ARFIP1: variants seen among roughly 807,000 people sequenced by gnomAD.
The protein encoded by ARFIP1 is ARF interacting protein 1, also known as arfaptin-1.
A neutral mutation model predicts 42.5 loss-of-function variants in ARFIP1; 24 were observed. The observed-to-expected ratio is 0.57, with a 90% CI of 0.41 to 0.80. The LOEUF is 0.80. Ranked by LOEUF, ARFIP1 falls within the 30% of genes least tolerant of loss-of-function variation. ARFIP1 has a pLI of 0.00. For synonymous variants in ARFIP1, 141 were observed against 153.7 expected (o/e 0.92, Z 0.61); for missense variants, 354 against 434.0 (o/e 0.82, Z 1.64).
chr4:152,884,235 G>T (rs2149894178), intron 7 of ARFIP1, among the ~76,000 whole-genome samples: 1 of 152,114 alleles, frequency 6.6e-6, no homozygotes, highest in Middle Eastern at 3.4e-3. Flanking sequence ...ATAGCTGTTA[G>T]TAAGATAGCC....
intron 1 of ARFIP1, among the ~76,000 whole-genome samples, chr4:152,786,725 T>A (rs1730831357): frequency 6.6e-6 from 1 of 152,218 alleles, no homozygotes; most frequent in Non-Finnish European, 1.5e-5. Flanking sequence ...TAAAACTGCT[T>A]AACAGCCTTT....
intron 1 of ARFIP1, among the ~76,000 whole-genome samples, chr4:152,782,531 C>G (rs547483158): frequency 1.5e-4 from 23 of 152,122 alleles, no homozygotes; most frequent in Non-Finnish European, 4.4e-5. Context: ...TATCACCAAC[C>G]AACTAGGCAC....
chr4:152,833,263 A>G (rs921556359), intron 2 of ARFIP1, among the ~76,000 whole-genome samples: 4 of 152,064 alleles, frequency 2.6e-5, no homozygotes, highest in African/African-American at 4.8e-5. Flanking sequence ...AAAAAGTACA[A>G]ATGGCCAACA....
chr4:152,860,147 A>T (rs1733771593), intron 2 of ARFIP1, among the ~76,000 whole-genome samples: 1 of 152,174 alleles, frequency 6.6e-6, no homozygotes, highest in African/African-American at 2.4e-5. Flanking sequence ...GAAGTACCAG[A>T]TGTTGTAGTG....
intron 1 of ARFIP1, among the ~76,000 whole-genome samples, chr4:152,805,626 G>A (rs1000063526): frequency 6.6e-6 from 1 of 152,164 alleles, no homozygotes; most frequent in Non-Finnish European, 1.5e-5. Context: ...GCTTTGATTT[G>A]GCAGAGCCTA....
At chr4:152,819,781 GGCAGCCC>G (rs1730210981) in intron 1 of ARFIP1, among the ~76,000 whole-genome samples, 2 of 152,166 alleles carry the variant, frequency 1.3e-5, no homozygotes, top group African/African-American at 2.4e-5. Context: ...TCAACAGTCA[GGCAGCCC>G]TGGTGCTCCT....
At chr4:152,860,872 TAGAC>T (rs1561149117) in intron 2 of ARFIP1, among the ~76,000 whole-genome samples, 1 of 152,228 alleles carries the variant, frequency 6.6e-6, no homozygotes, top group Non-Finnish European at 1.5e-5. Context: ...TTAGATTTCA[TAGAC>T]AGCCTACAAA....
At chr4:152,872,101 T>A (rs1260135819) in intron 4 of ARFIP1, among the ~76,000 whole-genome samples, 2 of 152,146 alleles carry the variant, frequency 1.3e-5, no homozygotes, top group Non-Finnish European at 2.9e-5. Flanking sequence ...TACTTCTTTT[T>A]TAGTGTCATT....
At chr4:152,847,001 T>A (rs567896280) in intron 2 of ARFIP1, among the ~76,000 whole-genome samples, 1 of 152,022 alleles carries the variant, frequency 6.6e-6, no homozygotes, top group African/African-American at 2.4e-5. Context: ...TAGTCTGTCC[T>A]AAGAGAGGCC....
At chr4:152,877,113 G>C (rs1016253286) in intron 5 of ARFIP1, among the ~76,000 whole-genome samples, 1 of 152,190 alleles carries the variant, frequency 6.6e-6, no homozygotes, top group African/African-American at 2.4e-5. Context: ...GCACCTCCTA[G>C]TGGAGCTATG....
rs538560824 is a variant in ARFIP1 at position 152,900,282 on chromosome 4, A to G, written c.967-9782A>G. Among the ~76,000 whole-genome samples the G allele has an allele frequency of 5.3e-5, 8 of 152,302 alleles. No homozygotes were observed. The South Asian group carries it at 1.7e-3, about 32-fold the overall frequency. On this transcript the variant is annotated intron_variant, in intron 8 of 8. Coordinates refer to ENST00000353617, the MANE Select transcript of ARFIP1 (RefSeq NM_001025595.3). ...ATCTCCGCACTCAGAATGTTAATGT[A>G]TGTAATTATTCGATAAAGAATTATA...
chr4:152,788,663 A>G (rs1730955907), intron 1 of ARFIP1, among the ~76,000 whole-genome samples: 1 of 152,232 alleles, frequency 6.6e-6, no homozygotes, highest in Non-Finnish European at 1.5e-5. Context: ...CCTGGATGAC[A>G]GAGCGAGACT....
At chr4:152,817,276 C>T (rs1162391788) in intron 1 of ARFIP1, among the ~76,000 whole-genome samples, 1 of 152,038 alleles carries the variant, frequency 6.6e-6, no homozygotes, top group African/African-American at 2.4e-5. Context: ...ACTCCAGTAG[C>T]CACAAATAAT....
chr4:152,860,303 C>G (rs1490630246), intron 2 of ARFIP1, among the ~76,000 whole-genome samples: 1 of 152,298 alleles, frequency 6.6e-6, no homozygotes, highest in East Asian at 1.9e-4. Flanking sequence ...TCAGGTATAT[C>G]TGAGCTGACT....
At chr4:152,897,348 C>G (rs980039073) in intron 8 of ARFIP1, among the ~76,000 whole-genome samples, 26 of 151,512 alleles carry the variant, frequency 1.7e-4, no homozygotes, top group Admixed American at 1.6e-3. Flanking sequence ...TGCTAAGATT[C>G]CGGCATGACA....
chr4:152,804,053 T>C (rs1728653652), intron 1 of ARFIP1, among the ~76,000 whole-genome samples: 2 of 124,774 alleles, frequency 1.6e-5, no homozygotes, highest in East Asian at 2.2e-4. Flanking sequence ...ATATTATATA[T>C]AATATAACAT....
At chr4:152,864,429 A>T (rs533931395) in intron 3 of ARFIP1, among the ~76,000 whole-genome samples, 7 of 152,372 alleles carry the variant, frequency 4.6e-5, no homozygotes, top group South Asian at 2.1e-4. Context: ...CGATCAGTAA[A>T]GGCAAAAAGT....
chr4:152,824,928 A>G (rs550260362), intron 1 of ARFIP1, among the ~76,000 whole-genome samples: 35 of 152,066 alleles, frequency 2.3e-4, no homozygotes, highest in South Asian at 2.1e-3. Context: ...CAGTAACTCA[A>G]TTCCTTTTAC....
chr4:152,781,234 C>CTTTTTTTTTTTTTTTT (rs535397594), intron 1 of ARFIP1, among the ~76,000 whole-genome samples: 5 of 118,920 alleles, frequency 4.2e-5, no homozygotes, highest in Admixed American at 1.9e-4. Flanking sequence ...TTTCTTTTTT[C>CTTTTTTTTTTTTTTTT]TTTTTTTTTT....
Sources: allele counts gnomAD v4.1 joint callset (sites outside exome capture counted in the v4.1 genomes callset), GRCh38; gene constraint gnomAD v4.1.1; transcripts MANE v1.5; gene names NCBI Gene and HGNC (gene_info 2026-07-23, HGNC 2026-07-21).